Variants in KIF26B observed in about 807,000 individuals in gnomAD.
KIF26B encodes kinesin family member 26B, also known as kinesin-like protein KIF26B.
Under a neutral mutation model 151.2 loss-of-function variants are expected in KIF26B, and 63 were observed. That is an observed-to-expected ratio of 0.42 (90% confidence interval 0.34 to 0.51). The LOEUF (loss-of-function observed/expected upper bound fraction) is 0.51, where lower values mean the gene tolerates loss of function less well. Among genes scored for constraint, KIF26B ranks in the 20% least tolerant of loss-of-function variants. The pLI, the probability that KIF26B is intolerant of heterozygous loss-of-function variation, is 0.07. For synonymous variants in KIF26B, 1,357 were observed against 1,262.1 expected (o/e 1.08, Z -1.59); for missense variants, 2,813 against 2,913.6 (o/e 0.97, Z 0.79).
Position 245,471,133 on chromosome 1 carries a change from A to G in KIF26B, c.1166+51388A>G, listed in dbSNP as rs558575249. ...TGATAGTATGTGTGTGTGTGTGTGT[A>G]TATATATATATATTTGAGAAGGAGT... On this transcript the variant is annotated intron_variant, in intron 4 of 14. Transcript: ENST00000407071. 9.4e-4 allele frequency among the ~76,000 whole-genome samples: 140 copies of G among 149,438 alleles called. 1 individual carries two copies. The highest frequency in any genetic ancestry group is 3.4e-3 in the Middle Eastern group (1 of 292).
chr1:245,234,137 TC>T (rs1251661715), intron 2 of KIF26B, among the ~76,000 whole-genome samples: 5 of 151,254 alleles, frequency 3.3e-5, no homozygotes, highest in Non-Finnish European at 7.4e-5. Flanking sequence ...TGAGCCAAGA[TC>T]GCGCCACTGC....
intron 5 of KIF26B, among the ~76,000 whole-genome samples, chr1:245,549,932 C>T (rs780504723): frequency 8.5e-5 from 13 of 152,158 alleles, no homozygotes; most frequent in Non-Finnish European, 1.6e-4. Flanking sequence ...AGGCATATGC[C>T]ACCACGCTCA....
At position 245,619,655 on chromosome 1, in the gene KIF26B, G is replaced by A. The variant is rs543786249; in HGVS notation, c.2098+7679G>A. On this transcript the variant is annotated intron_variant, in intron 9 of 14. Transcript: ENST00000407071. Reference sequence around the variant, plus strand: ...TGGGCTGGGCGTGGTGGCTCACACTGTAATCCCAGCACTTTGGGAGGCTGA... The same window carrying A: ...TGGGCTGGGCGTGGTGGCTCACACTATAATCCCAGCACTTTGGGAGGCTGA... Among the ~76,000 whole-genome samples, 643 of 149,504 alleles carry A rather than the reference G, an allele frequency of 4.3e-3. 10 individuals are homozygous for A. Among genetic ancestry groups the A allele is most frequent in the Admixed American group, 6.9e-3 (103 of 14,844 alleles).
At chr1:245,472,979 G>T (rs932092554) in intron 4 of KIF26B, among the ~76,000 whole-genome samples, 3 of 152,226 alleles carry the variant, frequency 2.0e-5, no homozygotes, top group African/African-American at 7.2e-5. Context: ...CACCAAGCCT[G>T]GTCATTTGCT....
At chr1:245,411,365 A>C (rs750492211) in intron 3 of KIF26B, among the ~76,000 whole-genome samples, 3 of 152,232 alleles carry the variant, frequency 2.0e-5, no homozygotes, top group Admixed American at 6.5e-5. Context: ...GGAATAGCTT[A>C]GTGAGGTCTG....
intron 9 of KIF26B, among the ~76,000 whole-genome samples, chr1:245,631,153 A>G (rs2043777545): frequency 6.6e-6 from 1 of 152,164 alleles, no homozygotes; most frequent in Non-Finnish European, 1.5e-5. Flanking sequence ...TAGGACTTCC[A>G]GTACTATGTT....
intron 5 of KIF26B, among the ~76,000 whole-genome samples, chr1:245,543,405 A>C (rs946404): frequency 0.89 from 134,819 of 152,186 alleles, 60,071 homozygotes; most frequent in East Asian, 0.95. Context: ...TTTTTAAAAA[A>C]ATTAAAGATA....
chr1:245,541,169 T>A (rs536235613), intron 5 of KIF26B, among the ~76,000 whole-genome samples: 37 of 152,296 alleles, frequency 2.4e-4, no homozygotes, highest in Admixed American at 2.0e-3. Context: ...TGATTTGCTT[T>A]TGGTGGGAAA....
intron 2 of KIF26B, among the ~76,000 whole-genome samples, chr1:245,246,866 A>AACAC (rs10623091): frequency 0.071 from 10,214 of 143,852 alleles, 394 homozygotes; most frequent in Non-Finnish European, 0.086. Flanking sequence ...GTAAGGGCAG[A>AACAC]ACACACACAC....
Position 245,702,319 on chromosome 1 carries a change from C to A in KIF26B, c.6179-139C>A. The A allele has an allele frequency of 1.3e-6, 1 of 783,448 alleles. No homozygotes were observed. Among genetic ancestry groups the A allele is most frequent in the Non-Finnish European group, 2.1e-6 (1 of 485,016 alleles). 48.5% of individuals were successfully genotyped at this position (783,448 alleles called of 1,614,324 possible). A position where few individuals can be genotyped will look rare whatever the true frequency, so the allele number is the denominator to read the frequency against. ...GCCGAGAATCAGGCAGGAGGGAACT[C>A]TGCAGTGGCCTAAGGCAAGCGAACT... On this transcript the variant is annotated intron_variant, in intron 14 of 14. Transcript: ENST00000407071. This position sits in a 1 kb window ranked among gnomAD's most constrained non-coding sequence, Gnocchi z 4.1.
At chr1:245,374,658 G>A (rs939205948) in intron 3 of KIF26B, among the ~76,000 whole-genome samples, 9 of 152,116 alleles carry the variant, frequency 5.9e-5, no homozygotes, top group Admixed American at 2.0e-4. Flanking sequence ...CAATTATGAC[G>A]TGGAAGAGAT....
chr1:245,268,837 G>A (rs960585365), intron 2 of KIF26B, among the ~76,000 whole-genome samples: 6 of 152,136 alleles, frequency 3.9e-5, no homozygotes, highest in African/African-American at 1.2e-4. Context: ...TGGTTTGCAT[G>A]GGACACAGGA....
At chr1:245,361,314 A>C (rs534141175) in intron 2 of KIF26B, among the ~76,000 whole-genome samples, 4 of 152,244 alleles carry the variant, frequency 2.6e-5, no homozygotes, top group Non-Finnish European at 5.9e-5. Context: ...GGCTGAGCAC[A>C]GCTGCTACAT....
At chr1:245,521,294 A>ATG (rs879824992) in intron 4 of KIF26B, among the ~76,000 whole-genome samples, 27,970 of 151,044 alleles carry the variant, frequency 0.19, 3,202 homozygotes, top group East Asian at 0.46. Context: ...CCGAGATCGC[A>ATG]CCACTGCACT....
At chr1:245,286,228 A>G (rs899717114) in intron 2 of KIF26B, among the ~76,000 whole-genome samples, 1 of 151,958 alleles carries the variant, frequency 6.6e-6, no homozygotes, top group African/African-American at 2.4e-5. Context: ...GATGGGTAGG[A>G]CAAGGTAAAA....
At chr1:245,669,495 C>T (rs193196896) in intron 10 of KIF26B, among the ~76,000 whole-genome samples, 2 of 152,278 alleles carry the variant, frequency 1.3e-5, no homozygotes, top group Admixed American at 6.5e-5. Flanking sequence ...CATCACCACA[C>T]CCAGTTCACA....
intron 4 of KIF26B, among the ~76,000 whole-genome samples, chr1:245,464,719 G>A (rs910280984): frequency 1.3e-5 from 2 of 152,070 alleles, no homozygotes; most frequent in African/African-American, 4.8e-5. Flanking sequence ...TCTGGCACAC[G>A]GTGTTTTTGA....
intron 5 of KIF26B, among the ~76,000 whole-genome samples, chr1:245,556,132 G>A (rs1295685949): frequency 6.6e-6 from 1 of 152,190 alleles, no homozygotes; most frequent in Non-Finnish European, 1.5e-5. Flanking sequence ...TGGCTATGCT[G>A]GCTATGCTAT....
intron 4 of KIF26B, among the ~76,000 whole-genome samples, chr1:245,532,496 C>T (rs1421413460): frequency 4.6e-5 from 7 of 152,070 alleles, no homozygotes; most frequent in African/African-American, 9.6e-5. Flanking sequence ...CCGCCTGCCT[C>T]GGCCTCCCAA....
Sources: allele counts gnomAD v4.1 joint callset (sites outside exome capture counted in the v4.1 genomes callset), GRCh38; gene constraint gnomAD v4.1.1; non-coding constraint Gnocchi (gnomAD v3.1); transcripts MANE v1.5; gene names NCBI Gene and HGNC (gene_info 2026-07-23, HGNC 2026-07-21).